CTNNA2: variants seen among roughly 807,000 people sequenced by gnomAD.
CTNNA2 encodes catenin alpha 2.
Under a neutral mutation model 101.0 loss-of-function variants are expected in CTNNA2, and 42 were observed. The ratio of observed to expected loss-of-function variants is 0.42; its 90% CI spans 0.32 to 0.54. The LOEUF (loss-of-function observed/expected upper bound fraction) is 0.54. CTNNA2 is among the 20% of genes least tolerant of loss of function. The pLI is 0.14. For missense variants in CTNNA2, 871 were observed against 1,223.1 expected (o/e 0.71, Z 4.29); for synonymous variants, 450 against 456.4 (o/e 0.99, Z 0.18).
At chr2:79,935,456 C>A (rs1460195554) in intron 7 of CTNNA2, among the ~76,000 whole-genome samples, 1 of 151,574 alleles carries the variant, frequency 6.6e-6, no homozygotes, top group Non-Finnish European at 1.5e-5. Flanking sequence ...TGCCTGTTAA[C>A]ATTTTGCCCT....
intron 7 of CTNNA2, among the ~76,000 whole-genome samples, chr2:80,173,848 A>C (rs1705224454): frequency 6.6e-6 from 1 of 152,162 alleles, no homozygotes; most frequent in African/African-American, 2.4e-5. Context: ...ATGCCCCTAC[A>C]GTATACCACT....
At chr2:79,649,538 G>A (rs1681067860) in intron 1 of CTNNA2, among the ~76,000 whole-genome samples, 3 of 152,182 alleles carry the variant, frequency 2.0e-5, no homozygotes, top group African/African-American at 4.8e-5. Context: ...GTGTCTGCAG[G>A]AAGCATCTGG....
intron 18 of CTNNA2, among the ~76,000 whole-genome samples, chr2:80,637,607 GACCTCGGTAGCA>G (rs1157890353): frequency 2.0e-5 from 3 of 152,106 alleles, no homozygotes; most frequent in Non-Finnish European, 4.4e-5. Context: ...CCTCATCCTG[GACCTCGGTAGCA>G]ACAGAGCCTT....
At chr2:79,557,372 T>C (rs1674510461) in intron 1 of CTNNA2, among the ~76,000 whole-genome samples, 1 of 151,932 alleles carries the variant, frequency 6.6e-6, no homozygotes, top group Non-Finnish European at 1.5e-5. Flanking sequence ...CTCTGAATGC[T>C]GGAATTTAAG....
chr2:80,574,188 A>G lies in CTNNA2; in HGVS notation c.1767A>G (p.Val589=). The G allele has an allele frequency of 6.2e-7, 1 of 1,613,314 alleles. No individual in the cohort carries two copies. Among genetic ancestry groups the G allele is most frequent in the Non-Finnish European group, 8.5e-7 (1 of 1,179,582 alleles). The change falls in exon 13 of 19, where the codon GTA becomes GTG. Residue 589 remains valine, a synonymous_variant. Transcript: ENST00000402739. ...ETVMPRFAEQ[V]EVAIEALSAN... ...TGATGCCACGCTTCGCTGAACAAGT[A>G]GAGGTTGCCATTGAAGCCCTGAGTG...
intron 7 of CTNNA2, among the ~76,000 whole-genome samples, chr2:80,098,614 C>T (rs1333877766): frequency 6.6e-6 from 1 of 152,222 alleles, no homozygotes; most frequent in African/African-American, 2.4e-5. Context: ...GTGGAGCCTA[C>T]AGAGGCAGGC....
Position 80,302,673 on chromosome 2 carries a change from C to A in CTNNA2, c.1057-90538C>A. On this transcript the variant is annotated intron_variant, in intron 7 of 18. Coordinates refer to ENST00000402739, the MANE Select transcript of CTNNA2 (RefSeq NM_001282597.3). This position sits in a 1 kb window ranked among gnomAD's most constrained non-coding sequence, Gnocchi z 6.4. ...GCCGAGCTGGCAGGGGGCCCCAGAT[C>A]ACTGCGGTTGGTGACGGCCGAGAGC... The A allele has an allele frequency of 6.2e-7, 1 of 1,611,926 alleles. No homozygotes were observed. Among genetic ancestry groups the A allele is most frequent in the Non-Finnish European group, 8.5e-7 (1 of 1,179,680 alleles).
intron 4 of CTNNA2, among the ~76,000 whole-genome samples, chr2:79,487,624 G>A (rs548406548): frequency 6.6e-6 from 1 of 152,254 alleles, no homozygotes; most frequent in South Asian, 2.1e-4. Flanking sequence ...CAGCATTCCA[G>A]CTGAGCTCTC....
chr2:80,119,458 C>T (rs1377194650), intron 7 of CTNNA2, among the ~76,000 whole-genome samples: 1 of 152,108 alleles, frequency 6.6e-6, no homozygotes, highest in African/African-American at 2.4e-5. Context: ...TTGGATAAAC[C>T]AATATCTGTG....
At chr2:79,383,441 AGG>A (rs1678061907) in intron 4 of CTNNA2, among the ~76,000 whole-genome samples, 1 of 152,162 alleles carries the variant, frequency 6.6e-6, no homozygotes, top group Admixed American at 6.5e-5. Context: ...GGACTGGGGG[AGG>A]GTGAATTACT....
intron 1 of CTNNA2, among the ~76,000 whole-genome samples, chr2:79,574,577 C>T (rs1003041112): frequency 6.6e-6 from 1 of 152,140 alleles, no homozygotes; most frequent in East Asian, 1.9e-4. Context: ...TGTAGTATTA[C>T]GTGGTACGTA....
chr2:80,197,992 T>G (rs1558894402), intron 7 of CTNNA2, among the ~76,000 whole-genome samples: 1 of 152,136 alleles, frequency 6.6e-6, no homozygotes, highest in Admixed American at 6.5e-5. Flanking sequence ...CCACTGAACA[T>G]TTATGACTGT....
intron 3 of CTNNA2, among the ~76,000 whole-genome samples, chr2:79,855,831 G>T (rs1681089583): frequency 6.6e-6 from 1 of 152,186 alleles, no homozygotes; most frequent in Non-Finnish European, 1.5e-5. Context: ...AATTTGTCTA[G>T]CTCTACTTGT....
chr2:79,896,939 G>C (rs1684755568), intron 6 of CTNNA2, among the ~76,000 whole-genome samples: 1 of 152,156 alleles, frequency 6.6e-6, no homozygotes, highest in Admixed American at 6.5e-5. Flanking sequence ...CAGGAGCCGG[G>C]GGTTCATGAG....
intron 3 of CTNNA2, among the ~76,000 whole-genome samples, chr2:79,362,387 G>T (rs1677651095): frequency 6.6e-6 from 1 of 152,106 alleles, no homozygotes; most frequent in Admixed American, 6.6e-5. Context: ...TTGTTGAATG[G>T]TTAGATCAAG....
chr2:80,013,777 GCATCCTA>G (rs1282826290), intron 7 of CTNNA2, among the ~76,000 whole-genome samples: 1 of 152,162 alleles, frequency 6.6e-6, no homozygotes, highest in Non-Finnish European at 1.5e-5. Flanking sequence ...CTGTCTTCCA[GCATCCTA>G]CTTACTTATG....
chr2:80,381,855 C>T (rs1676545790), intron 7 of CTNNA2, among the ~76,000 whole-genome samples: 1 of 152,176 alleles, frequency 6.6e-6, no homozygotes, highest in Admixed American at 6.6e-5. Context: ...TATTCTCTTT[C>T]AGTTCCTACT....
At chr2:80,243,034 T>C (rs1381057518) in intron 7 of CTNNA2, among the ~76,000 whole-genome samples, 2 of 152,166 alleles carry the variant, frequency 1.3e-5, no homozygotes, top group African/African-American at 4.8e-5. Context: ...AGCTAGAGGG[T>C]GACTCCACAA....
intron 2 of CTNNA2, among the ~76,000 whole-genome samples, chr2:79,709,241 G>T (rs527905841): frequency 2.0e-5 from 3 of 152,180 alleles, no homozygotes; most frequent in Non-Finnish European, 4.4e-5. Flanking sequence ...GTTACTCAAA[G>T]ATCATTTTCT....
Sources: gnomAD v4.1 joint callset for allele counts (sites outside exome capture counted in the v4.1 genomes callset) on GRCh38, gnomAD v4.1.1 for gene constraint, Gnocchi (gnomAD v3.1) non-coding constraint, MANE v1.5 for transcripts, NCBI Gene and HGNC (gene_info 2026-07-23, HGNC 2026-07-21) for gene names.